The following THAP9 variants were observed in gnomAD, a reference collection of about 807,000 sequenced individuals.
The protein encoded by THAP9 is DNA transposase THAP9.
THAP9 carries 20 observed loss-of-function variants against 35.7 expected under a neutral mutation model. The observed-to-expected ratio is 0.56, with a 90% CI of 0.39 to 0.81. THAP9 has a LOEUF of 0.81. THAP9 is among the 40% of genes least tolerant of loss of function. The pLI, the probability that THAP9 is intolerant of heterozygous loss-of-function variation, is 0.00. For missense variants in THAP9, 870 were observed against 1,047.4 expected, an observed-to-expected ratio of 0.83 and a Z score of 2.34; for synonymous variants, 335 against 373.7, an observed-to-expected ratio of 0.90 and a Z score of 1.19.
chr4:82,917,781 T>A lies in THAP9; in HGVS notation c.1569T>A (p.Ser523Arg), dbSNP rs779944366. ...LINNLFDIFN[S>R]RNCYGKGLKG... ...ACAATCTGTTTGACATCTTTAATAG[T>A]AGGAACTGTTATGGAAAGGGACTTA... The change falls in exon 5 of 5, where the codon AGT becomes AGA. Residue 523 changes from serine to arginine, a missense_variant. Physicochemically the swap from Ser to Arg is moderately radical, Grantham distance 110 (BLOSUM62 -1). Coordinates refer to ENST00000302236, the MANE Select transcript of THAP9 (RefSeq NM_024672.6). The A allele has an allele frequency of 6.2e-7, 1 of 1,614,034 alleles. No individual in the cohort carries two copies. The highest frequency in any genetic ancestry group is 8.5e-7 in the Non-Finnish European group (1 of 1,179,976).
chr4:82,906,687 T>G, intron 3 of THAP9, 60 bp downstream of exon 3: 1 of 1,463,736 alleles, frequency 6.8e-7, no homozygotes, highest in South Asian at 1.5e-5. Context: ...GAGGTACCAT[T>G]AAGTATTTAT....
chr4:82,912,105 T>C (rs1720885302), intron 4 of THAP9, among the ~76,000 whole-genome samples: 1 of 152,220 alleles, frequency 6.6e-6, no homozygotes, highest in Non-Finnish European at 1.5e-5. Flanking sequence ...CCTGGATTCT[T>C]TATGTCCAAA....
At chr4:82,906,281 T>C in intron 2 of THAP9, 43 bp from the exon 3 acceptor site, 1 of 1,451,870 alleles carries the variant, frequency 6.9e-7, no homozygotes, top group Non-Finnish European at 9.3e-7. Context: ...CTCTTCTATG[T>C]GATTATTTCT....
Position 82,907,776 on chromosome 4 carries a change from T to C in THAP9, c.581-9T>C. On this transcript the variant is annotated splice_polypyrimidine_tract_variant and intron_variant, in intron 3 of 4. Transcript: ENST00000302236. ...TCATCACAAAGAATAAAAAAATTTA[T>C]TTTAACAGATTTTAAGTGGGAGTTA... 2 of 1,567,012 alleles carry C rather than the reference T, an allele frequency of 1.3e-6. No individual in the cohort carries two copies. The highest frequency in any genetic ancestry group is 1.7e-6 in the Non-Finnish European group (2 of 1,163,176).
At chr4:82,907,961 T>G (rs1018975963) in intron 4 of THAP9, 26 bp downstream of exon 4, 2 of 1,601,166 alleles carry the variant, frequency 1.2e-6, no homozygotes, top group Admixed American at 3.4e-5. Context: ...TTTTATTTTT[T>G]AAAAGTGACT....
Position 82,918,795 on chromosome 4 carries a change from G to C in THAP9, c.2583G>C (p.Glu861Asp), listed in dbSNP as rs1300948364. Reference protein sequence around the residue: ...VAQNPLKHHSERTDMKTLSRK... With the variant: ...VAQNPLKHHSDRTDMKTLSRK... ...AGAATCCTTTAAAACATCATTCAGA[G>C]AGAACTGATATGAAAACTTTATCAA... Residue 861 changes from glutamate (E) to aspartate (D), a missense_variant, in exon 5 of 5, where the codon GAG becomes GAC. By Grantham distance (45) the Glu-to-Asp change is conservative. Around this residue, in one of 3 missense-constraint regions of THAP9, gnomAD observed 414 missense variants for 500.8 expected, o/e 0.83. Coordinates refer to ENST00000302236, the MANE Select transcript of THAP9 (RefSeq NM_024672.6). The C allele has an allele frequency of 6.2e-7, 1 of 1,613,792 alleles. No individual in the cohort carries two copies.
chr4:82,918,875 G>A lies in THAP9; in HGVS notation c.2663G>A (p.Ser888Asn). 6.2e-7 allele frequency: 1 copy of A among 1,610,126 alleles called. No homozygotes were observed. Among genetic ancestry groups the A allele is most frequent in the Non-Finnish European group, 8.5e-7 (1 of 1,178,228 alleles). The stretch of plus-strand genomic sequence containing the variant: ...AAATGTTCAAGTTTTGCTAATACCA[G>A]TAGTAAATTCAGGCATTTGCTAAGT... ...DYKCSSFANT[S>N]SKFRHLLSND... Residue 888 changes from serine (S) to asparagine (N), a missense_variant, in exon 5 of 5, where the codon AGT (serine) becomes AAT (asparagine). Transcript: ENST00000302236.
intron 1 of THAP9, chr4:82,903,568 T>G (rs1368481632): frequency 6.6e-6 from 1 of 152,364 alleles, no homozygotes; most frequent in Non-Finnish European, 1.5e-5. Flanking sequence ...AATAAATAAA[T>G]GCAAGGTAAT....
At chr4:82,905,539 G>T (rs1011680232) in intron 2 of THAP9, among the ~76,000 whole-genome samples, 7 of 1,178 alleles carry the variant, frequency 5.9e-3, no homozygotes, top group South Asian at 0.25. Context: ...CCTCTTAATC[G>T]TCAGTCTCCT....
In THAP9 at chr4:82,918,372, T is replaced by G. The variant is rs541584816; in HGVS notation, c.2160T>G (p.Gly720=). The G allele has an allele frequency of 8.1e-6, 13 of 1,614,034 alleles. No homozygotes were observed. The South Asian group carries it at 1.3e-4, about 16-fold the overall frequency. Residue 720 remains glycine (G), a synonymous_variant, in exon 5 of 5, where the codon GGT becomes GGG. Coordinates refer to ENST00000302236, the MANE Select transcript of THAP9 (RefSeq NM_024672.6). ...DHRRNLICYA[G]YVANKLSALL... is the part of the protein sequence containing the mutation. ...GGCGAAATCTCATCTGTTATGCTGG[T>G]TATGTTGCAAACAAGTTATCAGCTC...
intron 1 of THAP9, chr4:82,901,101 C>T (rs953244862): frequency 2.0e-5 from 14 of 703,690 alleles, no homozygotes; most frequent in Non-Finnish European, 3.6e-5. Context: ...AGCCGGTTCT[C>T]GCACCGCCTA....
Position 82,918,858 on chromosome 4 carries a change from A to C in THAP9, c.2646A>C (p.Ser882=), listed in dbSNP as rs766592176. ...CATCTGTACAGGATTATAAATGTTC[A>C]AGTTTTGCTAATACCAGTAGTAAAT... The part of the protein sequence containing the change: ...HWSSVQDYKC[S]SFANTSSKFR... Residue 882 remains serine (S), a synonymous_variant, in exon 5 of 5, where the codon TCA becomes TCC. Transcript: ENST00000302236. 47 of 1,612,788 alleles carry C rather than the reference A, an allele frequency of 2.9e-5. No homozygotes were observed. Among genetic ancestry groups the C allele is most frequent in the Non-Finnish European group, 4.0e-5 (47 of 1,179,462 alleles).
Position 82,918,222 on chromosome 4 carries a change from G to C in THAP9, c.2010G>C (p.Ala670=). The C allele has an allele frequency of 1.2e-6, 2 of 1,614,188 alleles. No homozygotes were observed. Among genetic ancestry groups the C allele is most frequent in the Non-Finnish European group, 8.5e-7 (1 of 1,180,012 alleles). The change falls in exon 5 of 5, where the codon GCG becomes GCC. Residue 670 remains alanine, a synonymous_variant. Transcript: ENST00000302236. ...CAATTGCTCGAAGGAAAGACTTGGC[G>C]CTTTGGACAGTTCAACGTCAGTATG... ...DISIARRKDL[A]LWTVQRQYGV...
At chr4:82,907,978 T>G in intron 4 of THAP9, 43 bp downstream of exon 4, 1 of 1,569,350 alleles carries the variant, frequency 6.4e-7, no homozygotes, top group East Asian at 2.3e-5. Flanking sequence ...GACTTTCTTG[T>G]CAGGACATCT....
intron 4 of THAP9, among the ~76,000 whole-genome samples, chr4:82,908,385 C>G (rs1011309277): frequency 2.6e-5 from 4 of 152,264 alleles, no homozygotes; most frequent in Non-Finnish European, 5.9e-5. Context: ...ACAAAAAAAT[C>G]TGCGTTTTTC....
intron 3 of THAP9, 107 bp from the exon 4 acceptor site, chr4:82,907,677 AT>A: frequency 3.7e-6 from 3 of 821,376 alleles, no homozygotes; most frequent in Non-Finnish European, 5.5e-6. Context: ...ATGCAACTAT[AT>A]TTGTATTTGA....
chr4:82,918,105 C>T lies in THAP9; in HGVS notation c.1893C>T (p.Cys631=). The T allele has an allele frequency of 1.2e-5, 19 of 1,614,120 alleles. No homozygotes were observed. Among genetic ancestry groups the T allele is most frequent in the Non-Finnish European group, 1.5e-5 (18 of 1,179,998 alleles). The change falls in exon 5 of 5, where the codon TGC becomes TGT. Residue 631 remains cysteine (C), a synonymous_variant. Transcript: ENST00000302236. ...QVLVTSSSPT[C]MAFQKAYYNL... ...TAGTAACAAGTTCTAGCCCTACCTG[C>T]ATGGCATTCCAGAAAGCTTACTATA... is the stretch of plus-strand genomic sequence containing the variant.
intron 1 of THAP9, among the ~76,000 whole-genome samples, chr4:82,902,179 G>A (rs1436470872): frequency 3.2e-5 from 4 of 126,780 alleles, no homozygotes; most frequent in African/African-American, 6.2e-5. Flanking sequence ...CACTATCACA[G>A]CTCAGCGCAG....
chr4:82,917,544 CGTG>C lies in THAP9; in HGVS notation c.1334_1336del (p.Val445del), dbSNP rs1560699301. 1 of 1,613,674 alleles carries C rather than the reference CGTG, an allele frequency of 6.2e-7. No homozygotes were observed. Among genetic ancestry groups the C allele is most frequent in the South Asian group, 1.1e-5 (1 of 91,052 alleles). On this transcript the variant is annotated inframe_deletion, in exon 5 of 5. Transcript: ENST00000302236. ...ATGGTATAGCACATTGGCAGCACCT[CGTG>C]GAGTTAGTAGCACTGGAGGAACAGG...
Sources: allele counts gnomAD v4.1 joint callset (sites outside exome capture counted in the v4.1 genomes callset), GRCh38; gene constraint gnomAD v4.1.1; regional missense constraint gnomAD v4.1.1; transcripts MANE v1.5; gene names NCBI Gene and HGNC (gene_info 2026-07-23, HGNC 2026-07-21).